Variants in DNAAF4 observed in about 807,000 individuals in gnomAD.
The protein encoded by DNAAF4 is dynein assembly factor 4, axonemal.
DNAAF4 carries 43 observed loss-of-function variants against 51.8 expected under a neutral mutation model. That is an observed-to-expected ratio of 0.83 (90% CI 0.65 to 1.07). The LOEUF is 1.07. Among genes scored for constraint, DNAAF4 ranks in the 50% least tolerant of loss-of-function variants. DNAAF4 has a pLI of 0.00. For synonymous variants in DNAAF4, 194 were observed against 165.6 expected (o/e 1.17, Z -1.32); for missense variants, 581 against 493.0 (o/e 1.18, Z -1.69).
intron 6 of DNAAF4, among the ~76,000 whole-genome samples, chr15:55,445,721 C>T (rs2057790178): frequency 2.0e-5 from 3 of 148,552 alleles, no homozygotes; most frequent in African/African-American, 5.0e-5. Context: ...AGGCACTCCT[C>T]ACCTCCCAGA....
chr15:55,445,999 T>TGGGGGGGGC (rs2057798979), intron 6 of DNAAF4, among the ~76,000 whole-genome samples: 1 of 67,948 alleles, frequency 1.5e-5, no homozygotes. Context: ...CCAGACGGGG[T>TGGGGGGGGC]GGCCGGGCAG....
chr15:55,474,754 G>A (rs2058312581), intron 4 of DNAAF4, among the ~76,000 whole-genome samples: 1 of 152,042 alleles, frequency 6.6e-6, no homozygotes, highest in African/African-American at 2.4e-5. Flanking sequence ...TGAGGTGGGC[G>A]GATTACCTGA....
chr15:55,472,257 G>A (rs1291205194), intron 4 of DNAAF4, among the ~76,000 whole-genome samples: 1 of 152,082 alleles, frequency 6.6e-6, no homozygotes, highest in Non-Finnish European at 1.5e-5. Flanking sequence ...CTAATACAGG[G>A]AAGACACACG....
intron 8 of DNAAF4, among the ~76,000 whole-genome samples, chr15:55,433,927 A>ATAAAATATATATTATAATATATATT (rs1311292673): frequency 1.1e-3 from 2 of 1,820 alleles, no homozygotes; most frequent in Non-Finnish European, 1.9e-3. Flanking sequence ...TATATATTAT[A>ATAAAATATATATTATAATATATATT]TTATATAAAA....
At position 55,498,593 on chromosome 15, in the gene DNAAF4, G is replaced by GAAAAAAAAACAAAA. The variant is rs2058671687; in HGVS notation, c.-255-10_-255-9insTTTTGTTTTTTTTT. Reference sequence around the variant, plus strand: ...AAGTAGACCCATACCCTCTGCTTGAGAAAAAAAAAAAAAAAAAAAAGCACT... The same window carrying GAAAAAAAAACAAAA: ...AAGTAGACCCATACCCTCTGCTTGAGAAAAAAAAACAAAAAAAAAAAAAAAAAAAAAAAAGCACT... On this transcript the variant is annotated splice_polypyrimidine_tract_variant and intron_variant, in intron 1 of 9. Transcript: ENST00000321149. 1.3e-5 allele frequency: 1 copy of GAAAAAAAAACAAAA among 74,652 alleles called. No homozygotes were observed. The highest frequency in any genetic ancestry group is 5.8e-5 in the African/African-American group (1 of 17,198). 4.6% of individuals were successfully genotyped at this position (74,652 alleles called of 1,614,324 possible). A position where few individuals can be genotyped will look rare whatever the true frequency, so the allele number is the denominator to read the frequency against.
chr15:55,491,087 C>T, intron 4 of DNAAF4, 36 bp downstream of exon 4: 1 of 1,612,184 alleles, frequency 6.2e-7, no homozygotes, highest in Non-Finnish European at 8.5e-7. Context: ...CTACTATTAT[C>T]TCTTTAGAGG....
intron 8 of DNAAF4, among the ~76,000 whole-genome samples, chr15:55,432,949 CA>C (rs200117262): frequency 6.7e-6 from 1 of 149,708 alleles, no homozygotes. Context: ...GAATCCGTCT[CA>C]AAAAAAACAA....
intron 2 of DNAAF4, 139 bp downstream of exon 2, chr15:55,498,068 G>T: frequency 1.4e-6 from 2 of 1,449,152 alleles, no homozygotes; most frequent in Non-Finnish European, 1.9e-6. Flanking sequence ...TTACCTGTAT[G>T]GGATTCATTT....
intron 4 of DNAAF4, among the ~76,000 whole-genome samples, chr15:55,478,803 A>T (rs2058369805): frequency 6.6e-6 from 1 of 152,048 alleles, no homozygotes; most frequent in African/African-American, 2.4e-5. Context: ...TCCCCTCAAA[A>T]ACCCATTAGG....
At chr15:55,462,261 T>G (rs2058103862) in intron 5 of DNAAF4, among the ~76,000 whole-genome samples, 1 of 151,300 alleles carries the variant, frequency 6.6e-6, no homozygotes, top group African/African-American at 2.4e-5. Context: ...TGGTGAGATC[T>G]CGGCTCATTG....
downstream of DNAAF4, among the ~76,000 whole-genome samples, chr15:55,429,448 G>A (rs985673208): frequency 1.6e-4 from 24 of 151,314 alleles, 1 homozygote; most frequent in Admixed American, 1.5e-3. Context: ...AACCTGGGAG[G>A]TGGAGGATGC....
chr15:55,425,167 A>G (rs1361301796), intron 7 of DNAAF4, among the ~76,000 whole-genome samples: 3 of 152,196 alleles, frequency 2.0e-5, no homozygotes, highest in Non-Finnish European at 4.4e-5. Context: ...GCTCAGCCAC[A>G]TACTTTGCTC....
At chr15:55,498,694 T>G (rs555825308) in intron 1 of DNAAF4, 110 bp from the exon 2 acceptor site, 2 of 177,078 alleles carry the variant, frequency 1.1e-5, no homozygotes, top group African/African-American at 5.0e-5. Context: ...TCACCTGAGG[T>G]TGGGAGTTCG....
intron 7 of DNAAF4, chr15:55,418,402 T>A (rs556591879): frequency 6.5e-7 from 1 of 1,533,176 alleles, no homozygotes; most frequent in African/African-American, 1.4e-5. Flanking sequence ...CAAGTCATTA[T>A]GGTGAATTTC....
At position 55,434,936 on chromosome 15, in the gene DNAAF4, T is replaced by G; in HGVS notation, c.1016A>C (p.Asn339Thr). The change falls in exon 8 of 10, where the codon AAC becomes ACC. Residue 339 changes from asparagine to threonine, a missense_variant. Physicochemically the swap from Asn to Thr is moderately conservative, Grantham distance 65. Coordinates refer to ENST00000321149, the MANE Select transcript of DNAAF4 (RefSeq NM_130810.4). ...AGAATCTTCAATAGCCTTGTGTAAGTTTTTTAGTTTTAGGTGGCAAGCAGC... is the reference window on the plus strand; with the variant it reads ...AGAATCTTCAATAGCCTTGTGTAAGGTTTTTAGTTTTAGGTGGCAAGCAGC... ...NRAACHLKLK[N>T]LHKAIEDSSK... The G allele has an allele frequency of 6.2e-7, 1 of 1,612,060 alleles. No homozygotes were observed. Among genetic ancestry groups the G allele is most frequent in the Non-Finnish European group, 8.5e-7 (1 of 1,179,560 alleles).
At chr15:55,443,121 T>C (rs1285977868) in intron 6 of DNAAF4, 81 of 1,610,546 alleles carry the variant, frequency 5.0e-5, no homozygotes, top group Non-Finnish European at 6.8e-5. Context: ...TACGTTTATA[T>C]GAAGGCAAAC....
At chr15:55,425,973 G>A (rs2057427407), downstream of DNAAF4, among the ~76,000 whole-genome samples, 1 of 152,216 alleles carries the variant, frequency 6.6e-6, no homozygotes, top group African/African-American at 2.4e-5. Context: ...CTATGCAGGA[G>A]ACCAGCGTTT....
At chr15:55,468,807 T>C (rs1005828510) in intron 4 of DNAAF4, among the ~76,000 whole-genome samples, 1 of 152,194 alleles carries the variant, frequency 6.6e-6, no homozygotes, top group Non-Finnish European at 1.5e-5. Context: ...TCTGGTATTA[T>C]AGCCAAGATG....
chr15:55,442,811 T>A, intron 6 of DNAAF4: 1 of 1,612,406 alleles, frequency 6.2e-7, no homozygotes, highest in Non-Finnish European at 8.5e-7. Context: ...TTACAACTGA[T>A]GTTGAGATTG....
Sources: gnomAD v4.1 joint callset for allele counts (sites outside exome capture counted in the v4.1 genomes callset) on GRCh38, gnomAD v4.1.1 for gene constraint, MANE v1.5 for transcripts, NCBI Gene and HGNC (gene_info 2026-07-23, HGNC 2026-07-21) for gene names.